The following KCNMA1 variants were observed in gnomAD, a reference collection of about 807,000 sequenced individuals.
KCNMA1 encodes Calcium-activated potassium channel subunit alpha-1.
KCNMA1 carries 29 observed loss-of-function variants against 140.0 expected under a neutral mutation model. The observed-to-expected ratio is 0.21, with a 90% CI of 0.15 to 0.28. The LOEUF (loss-of-function observed/expected upper bound fraction) is 0.28. KCNMA1 is among the 10% of genes least tolerant of loss of function. The probability of loss-of-function intolerance (pLI) is 1.00; values close to 1 mark genes in which losing one functional copy is unlikely to be tolerated. For missense variants in KCNMA1, 880 were observed against 1,602.2 expected (o/e 0.55, Z 7.70); for synonymous variants, 612 against 611.9 (o/e 1.00, Z 0.00).
intron 5 of KCNMA1, among the ~76,000 whole-genome samples, chr10:77,151,579 A>G (rs1047768766): frequency 7.9e-5 from 12 of 152,176 alleles, no homozygotes; most frequent in African/African-American, 2.9e-4. Context: ...ATGCTAGTGT[A>G]CACAGAAAAC....
At chr10:77,410,972 T>C (rs2096606051) in intron 1 of KCNMA1, among the ~76,000 whole-genome samples, 1 of 152,360 alleles carries the variant, frequency 6.6e-6, no homozygotes, top group Middle Eastern at 3.4e-3. Flanking sequence ...GCAAGCTGCA[T>C]GAGGGAAAGA....
chr10:76,925,793 C>T (rs1003918285), intron 23 of KCNMA1, among the ~76,000 whole-genome samples: 4 of 152,100 alleles, frequency 2.6e-5, no homozygotes, highest in Admixed American at 2.6e-4. Flanking sequence ...ACCAGAACTC[C>T]AAAATCACGA....
rs764730136 is a variant in KCNMA1 at position 77,018,982 on chromosome 10, G to T, written c.2015+31C>A. On this transcript the variant is annotated intron_variant, in intron 17 of 27. Coordinates refer to ENST00000286628, the MANE Select transcript of KCNMA1 (RefSeq NM_001161352.2). ...GGTCAAGGTGTCTACAGCCGGGCCAGAAAGAAAGCCAGTTGAAAATAAACT... is the reference window on the plus strand; with the variant it reads ...GGTCAAGGTGTCTACAGCCGGGCCATAAAGAAAGCCAGTTGAAAATAAACT... The T allele has an allele frequency of 9.1e-6, 12 of 1,313,962 alleles. No individual in the cohort carries two copies. The South Asian group carries it at 1.3e-4, about 14-fold the overall frequency. The allele number at this position is 1,313,962 out of a possible 1,614,324, so 81.4% of individuals were successfully genotyped here. A position where few individuals can be genotyped will look rare whatever the true frequency, so the allele number is the denominator to read the frequency against.
At chr10:76,945,060 G>A (rs895850582) in intron 22 of KCNMA1, 95 bp from the exon 23 acceptor site, 6 of 1,010,378 alleles carry the variant, frequency 5.9e-6, no homozygotes, top group Middle Eastern at 2.1e-4. Flanking sequence ...AGGGAAAGAG[G>A]AAAACAAATT....
chr10:76,941,072 A>G (rs1344780976), intron 23 of KCNMA1, among the ~76,000 whole-genome samples: 6 of 129,112 alleles, frequency 4.6e-5, no homozygotes, highest in African/African-American at 2.1e-4. Context: ...AGAAAGAAAA[A>G]GAAAGAAAGA....
intron 23 of KCNMA1, among the ~76,000 whole-genome samples, chr10:76,916,987 G>A (rs983750630): frequency 6.6e-6 from 1 of 152,112 alleles, no homozygotes; most frequent in Non-Finnish European, 1.5e-5. Flanking sequence ...CTATGAAAAG[G>A]GTAAGTCATT....
chr10:77,024,090 G>A (rs2093159479), intron 16 of KCNMA1, among the ~76,000 whole-genome samples: 1 of 152,146 alleles, frequency 6.6e-6, no homozygotes, highest in Middle Eastern at 3.2e-3. Flanking sequence ...ATCTAGAAAG[G>A]ATAATGCTGG....
chr10:77,183,558 A>G, intron 4 of KCNMA1, 26 bp from the exon 5 acceptor site: 1 of 1,498,148 alleles, frequency 6.7e-7, no homozygotes, highest in Non-Finnish European at 9.3e-7. Flanking sequence ...AATAAGAAAG[A>G]GAAAAAACAT....
intron 2 of KCNMA1, among the ~76,000 whole-genome samples, chr10:77,403,078 A>C (rs186043390): frequency 1.5e-4 from 23 of 152,164 alleles, no homozygotes; most frequent in African/African-American, 4.1e-4. Context: ...TGTACCCCTC[A>C]GTCTCAGGCA....
chr10:76,951,396 A>C (rs543160703), intron 21 of KCNMA1, among the ~76,000 whole-genome samples: 1 of 152,110 alleles, frequency 6.6e-6, no homozygotes, highest in Non-Finnish European at 1.5e-5. Flanking sequence ...CCCAAGCACA[A>C]CCTATGTGTG....
chr10:77,064,981 C>A (rs1484579999), intron 14 of KCNMA1, among the ~76,000 whole-genome samples: 1 of 152,162 alleles, frequency 6.6e-6, no homozygotes, highest in African/African-American at 2.4e-5. Flanking sequence ...GCAAGGGAAT[C>A]ATATACAGTA....
At chr10:76,985,430 G>A (rs958624266) in intron 19 of KCNMA1, among the ~76,000 whole-genome samples, 1 of 152,076 alleles carries the variant, frequency 6.6e-6, no homozygotes, top group African/African-American at 2.4e-5. Flanking sequence ...ACAATTTAGA[G>A]GAAACTATTT....
intron 1 of KCNMA1, among the ~76,000 whole-genome samples, chr10:77,509,960 G>A (rs1445264382): frequency 6.6e-6 from 1 of 151,856 alleles, no homozygotes; most frequent in South Asian, 2.1e-4. Flanking sequence ...CAACCTTATG[G>A]GGCTGATATC....
At chr10:77,190,692 A>C (rs1204056443) in intron 3 of KCNMA1, among the ~76,000 whole-genome samples, 1 of 152,116 alleles carries the variant, frequency 6.6e-6, no homozygotes, top group Non-Finnish European at 1.5e-5. Flanking sequence ...CCTGTACCTA[A>C]CCCTAACCCT....
intron 1 of KCNMA1, among the ~76,000 whole-genome samples, chr10:77,549,047 C>T (rs984923439): frequency 6.6e-6 from 1 of 152,236 alleles, no homozygotes; most frequent in South Asian, 2.1e-4. Context: ...TAGACTCACA[C>T]ACTGAGCAGA....
intron 10 of KCNMA1, among the ~76,000 whole-genome samples, chr10:77,087,535 T>G (rs887820069): frequency 6.6e-6 from 1 of 152,076 alleles, no homozygotes; most frequent in Non-Finnish European, 1.5e-5. Flanking sequence ...GGACTTCTCA[T>G]CCCCCAAGGC....
At chr10:77,193,519 T>C (rs999282688) in intron 3 of KCNMA1, among the ~76,000 whole-genome samples, 1 of 152,052 alleles carries the variant, frequency 6.6e-6, no homozygotes, top group African/African-American at 2.4e-5. Context: ...AGGAATGGGA[T>C]GGAGTAGGTG....
chr10:77,451,842 C>G (rs773903006), intron 1 of KCNMA1, among the ~76,000 whole-genome samples: 1 of 152,100 alleles, frequency 6.6e-6, no homozygotes, highest in Non-Finnish European at 1.5e-5. Context: ...CTGCAGGAAA[C>G]AAAAAGTTTG....
intron 1 of KCNMA1, among the ~76,000 whole-genome samples, chr10:77,527,971 C>T (rs1233984237): frequency 6.6e-6 from 1 of 152,172 alleles, no homozygotes; most frequent in Non-Finnish European, 1.5e-5. Flanking sequence ...AGAGACTGCA[C>T]TCTGGACAGC....
Sources: allele counts gnomAD v4.1 joint callset (sites outside exome capture counted in the v4.1 genomes callset), GRCh38; gene constraint gnomAD v4.1.1; transcripts MANE v1.5; gene names NCBI Gene and HGNC (gene_info 2026-07-23, HGNC 2026-07-21).